ZNF93: variants seen among roughly 807,000 people sequenced by gnomAD.
ZNF93 encodes zinc finger protein 505.
In ZNF93, 29 loss-of-function variants were observed where a neutral mutation model predicts 45.0. That is an observed-to-expected ratio of 0.64 (90% CI 0.48 to 0.88). ZNF93 has a LOEUF of 0.88. Among genes scored for constraint, ZNF93 ranks in the 40% least tolerant of loss-of-function variants. The pLI is 0.00. For missense variants in ZNF93, 578 were observed against 724.0 expected, an observed-to-expected ratio of 0.80 and a Z score of 2.31; for synonymous variants, 223 against 244.6, an observed-to-expected ratio of 0.91 and a Z score of 0.82.
chr19:19,904,874 C>T (rs2063288083), intron 1 of ZNF93, among the ~76,000 whole-genome samples: 1 of 152,188 alleles, frequency 6.6e-6, no homozygotes, highest in South Asian at 2.1e-4. Flanking sequence ...CCCACCCACT[C>T]ACAAAAACAC....
chr19:19,915,774 G>A (rs1474789873), intron 2 of ZNF93, among the ~76,000 whole-genome samples: 1 of 152,072 alleles, frequency 6.6e-6, no homozygotes, highest in Non-Finnish European at 1.5e-5. Flanking sequence ...CCCAGGACAC[G>A]GAGGTTGCAA....
Position 19,916,651 on chromosome 19 carries a change from C to T in ZNF93, c.222C>T (p.Pro74=). 6.2e-7 allele frequency: 1 copy of T among 1,606,892 alleles called. No individual in the cohort carries two copies. The highest frequency in any genetic ancestry group is 8.5e-7 in the Non-Finnish European group (1 of 1,176,964). ...TMKRHEMVAN[P]SVICSHFAQD... ...AGAGACATGAGATGGTAGCCAACCC[C>T]TCAGGTAGGTGTGAGTGAAAATGAA... The change falls in exon 3 of 4, where the codon CCC becomes CCT. Residue 74 remains proline, a synonymous_variant. Coordinates refer to ENST00000343769, the MANE Select transcript of ZNF93 (RefSeq NM_031218.4).
chr19:19,931,100 T>A (rs528795382), intron 3 of ZNF93, among the ~76,000 whole-genome samples: 20 of 151,018 alleles, frequency 1.3e-4, no homozygotes, highest in African/African-American at 4.6e-4. Context: ...TATGCTTTTT[T>A]AAAAAAACCA....
intron 1 of ZNF93, among the ~76,000 whole-genome samples, chr19:19,913,210 G>T (rs1029468973): frequency 7.2e-5 from 11 of 152,212 alleles, no homozygotes; most frequent in African/African-American, 2.6e-4. Flanking sequence ...CAGAATGTGC[G>T]GCCACAATTA....
chr19:19,931,526 C>G (rs1195783955), intron 3 of ZNF93, among the ~76,000 whole-genome samples: 2 of 151,494 alleles, frequency 1.3e-5, no homozygotes, highest in African/African-American at 4.9e-5. Context: ...ACTCTGTCAA[C>G]CAGCTTATTT....
rs2063268204 is a variant in ZNF93, at chr19:19,900,971, G to A, written c.-118G>A. 4 of 1,514,426 alleles carry A rather than the reference G, an allele frequency of 2.6e-6. No homozygotes were observed. Among genetic ancestry groups the A allele is most frequent in the Admixed American group, 3.4e-5 (2 of 58,014 alleles). The allele number at this position is 1,514,426 out of a possible 1,614,324, so 93.8% of individuals were successfully genotyped here. On this transcript the variant is annotated 5_prime_UTR_variant, in exon 1 of 4. Coordinates refer to ENST00000343769, the MANE Select transcript of ZNF93 (RefSeq NM_031218.4). ...GTCTCTCGGTGCAGCCGGAGCTCCA[G>A]GTCTCCTCTTCACTACTCTGTGTCC...
At chr19:19,903,351 G>A (rs929643863) in intron 1 of ZNF93, among the ~76,000 whole-genome samples, 2 of 152,206 alleles carry the variant, frequency 1.3e-5, no homozygotes, top group African/African-American at 2.4e-5. Flanking sequence ...GGGATGTAAA[G>A]TGGGGCTGTA....
At chr19:19,910,293 G>A (rs2063304061) in intron 1 of ZNF93, among the ~76,000 whole-genome samples, 1 of 152,086 alleles carries the variant, frequency 6.6e-6, no homozygotes, top group African/African-American at 2.4e-5. Flanking sequence ...TGAAAGTACT[G>A]TTATGTCTTT....
Position 19,906,401 on chromosome 19 carries a change from A to C in ZNF93, c.3+5310A>C, listed in dbSNP as rs1462794769. Among the ~76,000 whole-genome samples, 5 of 152,054 alleles carry C rather than the reference A, an allele frequency of 3.3e-5. No homozygotes were observed. The East Asian group carries it at 9.6e-4, about 29-fold the overall frequency. On this transcript the variant is annotated intron_variant, in intron 1 of 3. Coordinates refer to ENST00000343769, the MANE Select transcript of ZNF93 (RefSeq NM_031218.4). ...TGAGGTTGTTTGGTTATTCTTGTAA[A>C]ATTGTTTAAGTTCTTAATAAATTCT...
rs145221383 is a variant in ZNF93, at chr19:19,915,714, C to T, written c.130+308C>T. 4.5e-3 allele frequency among the ~76,000 whole-genome samples: 679 copies of T among 152,146 alleles called. 3 individuals carry two copies. Among genetic ancestry groups the T allele is most frequent in the Non-Finnish European group, 7.3e-3 (494 of 68,002 alleles). ...AAAATTAGCCAGGCGTTGTGGCATG[C>T]GGCTGTAATCCCAGCTACTTGGGAG... On this transcript the variant is annotated intron_variant, in intron 2 of 3. Transcript: ENST00000343769.
intron 1 of ZNF93, among the ~76,000 whole-genome samples, chr19:19,910,650 C>CTTTTTTTTTTTTTTTTTTTTTTGT (rs35098061): frequency 7.2e-6 from 1 of 138,186 alleles, no homozygotes. Context: ...GTTCTTTCAG[C>CTTTTTTTTTTTTTTTTTTTTTTGT]TTTTTTTTTT....
At chr19:19,910,455 G>C (rs934913156) in intron 1 of ZNF93, among the ~76,000 whole-genome samples, 1 of 152,022 alleles carries the variant, frequency 6.6e-6, no homozygotes, top group African/African-American at 2.4e-5. Context: ...TGTTATTTCT[G>C]TAAATAAATA....
At chr19:19,902,837 C>T (rs1439087816) in intron 1 of ZNF93, among the ~76,000 whole-genome samples, 5 of 150,840 alleles carry the variant, frequency 3.3e-5, no homozygotes, top group East Asian at 4.0e-4. Context: ...CCCGGGTTCA[C>T]GCCATTCTCC....
At chr19:19,907,369 A>C (rs2063295900) in intron 1 of ZNF93, among the ~76,000 whole-genome samples, 1 of 152,298 alleles carries the variant, frequency 6.6e-6, no homozygotes, top group East Asian at 1.9e-4. Context: ...GTTAATTATC[A>C]AATATTTGCA....
rs748250136 is a variant in ZNF93, at chr19:19,901,027, C to T, written c.-62C>T. 2.5e-5 allele frequency: 41 copies of T among 1,608,142 alleles called. 1 individual carries two copies. The highest frequency in any genetic ancestry group is 1.6e-4 in the Middle Eastern group (1 of 6,078). On this transcript the variant is annotated 5_prime_UTR_variant, in exon 1 of 4. Coordinates refer to ENST00000343769, the MANE Select transcript of ZNF93 (RefSeq NM_031218.4). ...TCCTACAGGCCCAGCCTCTGTGGCC[C>T]TGTGACCTGCAGGTATTGGGAGATC...
At chr19:19,931,582 C>T (rs1329139662) in intron 3 of ZNF93, among the ~76,000 whole-genome samples, 1 of 152,180 alleles carries the variant, frequency 6.6e-6, no homozygotes, top group Non-Finnish European at 1.5e-5. Context: ...CCAGGCTGAT[C>T]TTGAACTTTT....
chr19:19,934,305 G>A lies in ZNF93; in HGVS notation c.1350G>A (p.Lys450=). The A allele has an allele frequency of 1.2e-6, 2 of 1,613,200 alleles. No homozygotes were observed. The highest frequency in any genetic ancestry group is 1.7e-6 in the Non-Finnish European group (2 of 1,179,932). ...LSKHEIIHTG[K]KPYKCEECGK... is the part of the protein sequence containing the mutation. ...AACATGAGATCATTCATACTGGAAA[G>A]AAACCCTACAAGTGTGAAGAATGTG... Residue 450 remains lysine (K), a synonymous_variant, in exon 4 of 4, where the codon AAG becomes AAA. Transcript: ENST00000343769.
At chr19:19,931,308 G>GC (rs2063373646) in intron 3 of ZNF93, among the ~76,000 whole-genome samples, 1 of 151,794 alleles carries the variant, frequency 6.6e-6, no homozygotes, top group Non-Finnish European at 1.5e-5. Context: ...TCCTGCCTCA[G>GC]CCCCCTGAGT....
chr19:19,920,781 G>A (rs1343351753), intron 3 of ZNF93, among the ~76,000 whole-genome samples: 3 of 152,198 alleles, frequency 2.0e-5, no homozygotes, highest in East Asian at 1.9e-4. Flanking sequence ...CTGTGGGATG[G>A]GTGGTGATAT....
Sources: gnomAD v4.1 joint callset for allele counts (sites outside exome capture counted in the v4.1 genomes callset) on GRCh38, gnomAD v4.1.1 for gene constraint, MANE v1.5 for transcripts, NCBI Gene and HGNC (gene_info 2026-07-23, HGNC 2026-07-21) for gene names.